The following THOC2 variants were observed in gnomAD, a reference collection of about 807,000 sequenced individuals.
THOC2 encodes the protein THO complex 2.
In THOC2, 10 loss-of-function variants were observed where a neutral mutation model predicts 128.4. The observed-to-expected ratio is 0.08, with a 90% CI of 0.05 to 0.13. The LOEUF is 0.13. Ranked by LOEUF, THOC2 falls within the 10% of genes least tolerant of loss-of-function variation. The pLI, the probability that THOC2 is intolerant of heterozygous loss-of-function variation, is 1.00. For missense variants in THOC2, 535 were observed against 1,155.7 expected, an observed-to-expected ratio of 0.46 and a Z score of 7.79; for synonymous variants, 393 against 396.9, an observed-to-expected ratio of 0.99 and a Z score of 0.12.
intron 8 of THOC2, among the ~76,000 whole-genome samples, chrX:123,675,778 T>C (rs1400736566): frequency 8.9e-6 from 1 of 112,582 alleles, no homozygotes; most frequent in African/African-American, 3.2e-5. Context: ...GTGTGTGTGT[T>C]TAGTGACTTT....
chrX:123,731,537 T>C (rs1470051133), intron 1 of THOC2, among the ~76,000 whole-genome samples: 2 of 112,249 alleles, frequency 1.8e-5, no homozygotes, highest in Non-Finnish European at 3.8e-5. Flanking sequence ...ACTTGAGCAC[T>C]TACTATAAGC....
At chrX:123,727,823 C>T (rs1022232100) in intron 1 of THOC2, among the ~76,000 whole-genome samples, 1 of 111,827 alleles carries the variant, frequency 8.9e-6, no homozygotes. Flanking sequence ...TGTCTCAGGT[C>T]CCTGAGAATG....
intron 24 of THOC2, 40 bp from the exon 25 acceptor site, chrX:123,626,109 T>C: frequency 9.7e-7 from 1 of 1,033,959 alleles, no homozygotes; most frequent in Non-Finnish European, 1.3e-6. Context: ...GTAAACTTCT[T>C]CCCCAAGTGC....
intron 16 of THOC2, among the ~76,000 whole-genome samples, chrX:123,639,921 C>G (rs1184359074): frequency 1.8e-5 from 2 of 112,217 alleles, no homozygotes; most frequent in African/African-American, 6.5e-5. Flanking sequence ...TGTGGTGGCT[C>G]ACGCCTATAA....
intron 12 of THOC2, among the ~76,000 whole-genome samples, chrX:123,662,099 C>T (rs1473299411): frequency 2.7e-5 from 3 of 112,369 alleles, no homozygotes; most frequent in Admixed American, 1.9e-4. Flanking sequence ...TATACAGTTG[C>T]TGTTGTCTAA....
intron 19 of THOC2, among the ~76,000 whole-genome samples, chrX:123,634,396 C>T (rs1378707844): frequency 9.0e-6 from 1 of 110,691 alleles, no homozygotes; most frequent in African/African-American, 3.3e-5. Context: ...ATTTTCTCTC[C>T]CTCTCTGGAG....
intron 1 of THOC2, among the ~76,000 whole-genome samples, chrX:123,717,363 T>G (rs1338892381): frequency 9.0e-6 from 1 of 110,916 alleles, no homozygotes; most frequent in Non-Finnish European, 1.9e-5. Context: ...AATTTTTAAT[T>G]CCATTTAAAA....
chrX:123,678,870 T>C (rs2049630165), intron 8 of THOC2, among the ~76,000 whole-genome samples: 1 of 110,929 alleles, frequency 9.0e-6, no homozygotes, highest in Admixed American at 9.6e-5. Context: ...TTAGATCAAT[T>C]AGACTTCTAC....
intron 1 of THOC2, among the ~76,000 whole-genome samples, chrX:123,729,402 C>A (rs1185088014): frequency 8.9e-6 from 1 of 111,764 alleles, no homozygotes; most frequent in Non-Finnish European, 1.9e-5. Context: ...TCAAGACCTT[C>A]CATTTAATAG....
rs1222120941 is a variant in THOC2 at position 123,603,539 on chromosome X, A to C, written c.*19-2201T>G. On this transcript the variant is annotated intron_variant, in intron 38 of 38. Coordinates refer to ENST00000245838, the MANE Select transcript of THOC2 (RefSeq NM_001081550.2). ...GACCTTGCTGTAAGAAACTGCCTGG[A>C]GGTGAAAATAATGTTCTGAAAATCA... is the stretch of plus-strand genomic sequence containing the variant. The C allele has an allele frequency of 3.4e-6, 3 of 875,932 alleles. No individual in the cohort carries two copies. In the African/African-American group the frequency reaches 6.0e-5, roughly 18 times the overall value. 72.2% of individuals were successfully genotyped at this position (875,932 alleles called of 1,213,427 possible). A position where few individuals can be genotyped will look rare whatever the true frequency, so the allele number is the denominator to read the frequency against.
At chrX:123,619,276 T>C in intron 33 of THOC2, 125 bp downstream of exon 33, 2 of 375,085 alleles carry the variant, frequency 5.3e-6, no homozygotes, top group Non-Finnish European at 9.6e-6. Flanking sequence ...TTATTCAATG[T>C]AAGCAGAGTA....
intron 1 of THOC2, among the ~76,000 whole-genome samples, chrX:123,731,722 T>A (rs1399736219): frequency 1.8e-5 from 2 of 110,679 alleles, no homozygotes; most frequent in African/African-American, 6.6e-5. Flanking sequence ...GAGCTCACAC[T>A]GTTAAGACTT....
At chrX:123,728,396 T>TC (rs2052089357) in intron 1 of THOC2, among the ~76,000 whole-genome samples, 1 of 111,761 alleles carries the variant, frequency 8.9e-6, no homozygotes, top group East Asian at 2.8e-4. Context: ...TGACATTGCT[T>TC]CAACATTTTG....
intron 4 of THOC2, among the ~76,000 whole-genome samples, chrX:123,699,881 A>T (rs2050619239): frequency 8.9e-6 from 1 of 112,144 alleles, no homozygotes; most frequent in African/African-American, 3.2e-5. Context: ...GAGTCTCAGT[A>T]AATTTCTTAG....
intron 25 of THOC2, 110 bp downstream of exon 25, chrX:123,625,802 T>C: frequency 1.2e-6 from 1 of 833,396 alleles, no homozygotes; most frequent in Non-Finnish European, 1.7e-6. Context: ...GTTCAGACAC[T>C]TGGTTCTTGA....
intron 25 of THOC2, among the ~76,000 whole-genome samples, 196 bp downstream of exon 25, chrX:123,625,716 T>C (rs780621387): frequency 7.2e-5 from 8 of 111,553 alleles, no homozygotes; most frequent in Non-Finnish European, 5.6e-5. Flanking sequence ...GCTTTACAGA[T>C]AAGAAAACAG....
At chrX:123,605,148 G>C (rs1203858201) in intron 38 of THOC2, among the ~76,000 whole-genome samples, 1 of 111,800 alleles carries the variant, frequency 8.9e-6, no homozygotes, top group Non-Finnish European at 1.9e-5. Context: ...ATTCTGTTGA[G>C]CTGAAACTTA....
intron 12 of THOC2, among the ~76,000 whole-genome samples, chrX:123,663,319 A>G (rs2048915981): frequency 9.0e-6 from 1 of 111,717 alleles, no homozygotes; most frequent in Admixed American, 9.6e-5. Flanking sequence ...CTAGACTGAA[A>G]AGAGTATATA....
At chrX:123,603,817 T>G (rs1045054011) in intron 38 of THOC2, 2 of 240,743 alleles carry the variant, frequency 8.3e-6, no homozygotes, top group African/African-American at 5.9e-5. Context: ...CTCTTGGCAG[T>G]GTCCACAGAG....
Sources: gnomAD v4.1 joint callset for allele counts (sites outside exome capture counted in the v4.1 genomes callset) on GRCh38, gnomAD v4.1.1 for gene constraint, MANE v1.5 for transcripts, NCBI Gene and HGNC (gene_info 2026-07-23, HGNC 2026-07-21) for gene names.